TNS3: variants seen among roughly 807,000 people sequenced by gnomAD.
TNS3 encodes the protein tensin-3.
In TNS3, 45 loss-of-function variants were observed where a neutral mutation model predicts 140.9. The observed-to-expected ratio is 0.32, with a 90% CI of 0.25 to 0.41. The LOEUF is 0.41. Among genes scored for constraint, TNS3 ranks in the 10% least tolerant of loss-of-function variants. The pLI, the probability that TNS3 is intolerant of heterozygous loss-of-function variation, is 1.00. For synonymous variants in TNS3, 815 were observed against 788.4 expected, an observed-to-expected ratio of 1.03 and a Z score of -0.56; for missense variants, 1,716 against 1,906.7, an observed-to-expected ratio of 0.90 and a Z score of 1.86.
chr7:47,337,516 C>T (rs1267210096), intron 20 of TNS3, among the ~76,000 whole-genome samples: 2 of 152,226 alleles, frequency 1.3e-5, no homozygotes, highest in East Asian at 3.8e-4. Context: ...AAAGAGCAGT[C>T]AGGCTCCAAT....
intron 20 of TNS3, among the ~76,000 whole-genome samples, chr7:47,321,332 A>G (rs1427246494): frequency 5.3e-5 from 8 of 152,100 alleles, no homozygotes; most frequent in African/African-American, 1.9e-4. Context: ...GGCTGGCTCT[A>G]TGTTCTTCAT....
At chr7:47,497,697 A>ACACATACG (rs139313048) in intron 3 of TNS3, among the ~76,000 whole-genome samples, 1 of 148,408 alleles carries the variant, frequency 6.7e-6, no homozygotes, top group African/African-American at 2.5e-5. Context: ...ACACACACAC[A>ACACATACG]GAGCAGGAAA....
chr7:47,405,648 C>G, intron 13 of TNS3: 4 of 698,258 alleles, frequency 5.7e-6, no homozygotes, highest in Non-Finnish European at 7.8e-6. Context: ...GGATTAAGAC[C>G]CAGCCCAGTC....
intron 10 of TNS3, among the ~76,000 whole-genome samples, chr7:47,420,296 T>C (rs937529562): frequency 2.6e-5 from 4 of 152,136 alleles, no homozygotes; most frequent in Admixed American, 6.5e-5. Flanking sequence ...GGTTCGGCAA[T>C]TATCACATTG....
chr7:47,322,828 C>T (rs1262415073), intron 20 of TNS3, among the ~76,000 whole-genome samples: 1 of 152,158 alleles, frequency 6.6e-6, no homozygotes, highest in Non-Finnish European at 1.5e-5. Flanking sequence ...CAGCCTGCCT[C>T]CGCTCCCTGA....
At chr7:47,411,875 G>T in intron 12 of TNS3, 73 bp from the exon 13 acceptor site, 1 of 1,431,256 alleles carries the variant, frequency 7.0e-7, no homozygotes, top group Non-Finnish European at 9.7e-7. Context: ...GTAGAGAAAA[G>T]CAACCCTACA....
chr7:47,380,309 T>C (rs913586496), intron 16 of TNS3, among the ~76,000 whole-genome samples: 2 of 152,212 alleles, frequency 1.3e-5, no homozygotes, highest in African/African-American at 2.4e-5. Context: ...GGCAGCTCAG[T>C]TCCCTTTTGG....
At chr7:47,423,667 C>T (rs1286148311) in intron 10 of TNS3, among the ~76,000 whole-genome samples, 1 of 152,222 alleles carries the variant, frequency 6.6e-6, no homozygotes, top group African/African-American at 2.4e-5. Context: ...TTGCCCAGGG[C>T]TGCTTTCATG....
At chr7:47,571,759 G>A (rs752420309) in intron 1 of TNS3, among the ~76,000 whole-genome samples, 8 of 152,218 alleles carry the variant, frequency 5.3e-5, no homozygotes, top group South Asian at 2.1e-4. Context: ...CCAGCTGGCC[G>A]CTCACCAAGA....
intron 16 of TNS3, among the ~76,000 whole-genome samples, chr7:47,380,715 G>GCA (rs1430609747): frequency 6.6e-6 from 1 of 151,758 alleles, no homozygotes; most frequent in Non-Finnish European, 1.5e-5. Flanking sequence ...CCACACACAT[G>GCA]CACACACACA....
intron 4 of TNS3, among the ~76,000 whole-genome samples, chr7:47,454,855 T>C (rs1796181460): frequency 6.6e-6 from 1 of 152,126 alleles, no homozygotes; most frequent in South Asian, 2.1e-4. Context: ...GGTGACAACA[T>C]TGTTAATGAG....
intron 20 of TNS3, among the ~76,000 whole-genome samples, chr7:47,316,539 T>TG (rs1342262797): frequency 6.6e-6 from 1 of 151,640 alleles, no homozygotes; most frequent in Non-Finnish European, 1.5e-5. Flanking sequence ...TTTATTTTTT[T>TG]GTTTGTTTGT....
At chr7:47,506,713 A>G (rs949223224) in intron 3 of TNS3, among the ~76,000 whole-genome samples, 194 bp downstream of exon 3, 2 of 152,150 alleles carry the variant, frequency 1.3e-5, no homozygotes, top group Admixed American at 6.5e-5. Flanking sequence ...ATTATTTTCC[A>G]TAATCAAAAC....
At chr7:47,458,851 T>C (rs1796367647) in intron 4 of TNS3, among the ~76,000 whole-genome samples, 1 of 152,200 alleles carries the variant, frequency 6.6e-6, no homozygotes, top group African/African-American at 2.4e-5. Flanking sequence ...CTTTCATTCT[T>C]ATGATAAAAG....
At chr7:47,563,376 T>C (rs1800357332) in intron 1 of TNS3, among the ~76,000 whole-genome samples, 1 of 152,250 alleles carries the variant, frequency 6.6e-6, no homozygotes, top group Non-Finnish European at 1.5e-5. Flanking sequence ...AAAGGTGCCC[T>C]TGAAGAAGGC....
intron 20 of TNS3, among the ~76,000 whole-genome samples, chr7:47,336,186 A>T (rs1420078072): frequency 7.0e-6 from 1 of 143,026 alleles, no homozygotes; most frequent in Non-Finnish European, 1.5e-5. Flanking sequence ...CACCAAGCAG[A>T]GTTAAAAAAA....
At chr7:47,399,080 GAA>G (rs55834937) in intron 15 of TNS3, among the ~76,000 whole-genome samples, 37,032 of 93,302 alleles carry the variant, frequency 0.4, 6,420 homozygotes, top group Middle Eastern at 0.55. Context: ...TACGACAGCT[GAA>G]AAAAAAAAAA....
intron 16 of TNS3, among the ~76,000 whole-genome samples, chr7:47,394,021 A>G (rs374965326): frequency 6.6e-6 from 1 of 151,690 alleles, no homozygotes; most frequent in South Asian, 2.1e-4. Context: ...ACCTCCAACC[A>G]CACAATCCAT....
At chr7:47,533,319 A>G (rs1342584945) in intron 1 of TNS3, among the ~76,000 whole-genome samples, 1 of 150,546 alleles carries the variant, frequency 6.6e-6, no homozygotes, top group Non-Finnish European at 1.5e-5. Flanking sequence ...TTTAGTAGAG[A>G]CAGGGTTTCA....
Sources: gnomAD v4.1 joint callset for allele counts (sites outside exome capture counted in the v4.1 genomes callset) on GRCh38, gnomAD v4.1.1 for gene constraint, MANE v1.5 for transcripts, NCBI Gene and HGNC (gene_info 2026-07-23, HGNC 2026-07-21) for gene names.